The following GPD1L variants were observed in gnomAD, a reference collection of about 807,000 sequenced individuals.
GPD1L encodes glycerol-3-phosphate dehydrogenase 1-like protein.
Under a neutral mutation model 32.9 loss-of-function variants are expected in GPD1L, and 17 were observed. The ratio of observed to expected loss-of-function variants is 0.52; its 90% CI spans 0.35 to 0.78. The LOEUF is 0.78. GPD1L is among the 30% of genes least tolerant of loss of function. GPD1L has a pLI of 0.01. For missense variants in GPD1L, 361 were observed against 447.8 expected (o/e 0.81, Z 1.75); for synonymous variants, 187 against 165.9 (o/e 1.13, Z -0.98).
At chr3:32,144,268 G>A (rs1700789064) in intron 4 of GPD1L, among the ~76,000 whole-genome samples, 1 of 152,114 alleles carries the variant, frequency 6.6e-6, no homozygotes, top group Admixed American at 6.5e-5. Flanking sequence ...GCAGCTTCAG[G>A]CCTCAAAATC....
chr3:32,154,824 T>G (rs11720083), intron 5 of GPD1L, among the ~76,000 whole-genome samples: 37,640 of 151,572 alleles, frequency 0.25, 5,221 homozygotes, highest in East Asian at 0.4. Context: ...CTCGGCTCAC[T>G]GCAACCTCCG....
At chr3:32,145,341 C>T (rs909438052) in intron 4 of GPD1L, among the ~76,000 whole-genome samples, 2 of 151,638 alleles carry the variant, frequency 1.3e-5, no homozygotes, top group Non-Finnish European at 2.9e-5. Flanking sequence ...AAAGTTACTA[C>T]CTATTATCCA....
intron 5 of GPD1L, among the ~76,000 whole-genome samples, chr3:32,152,542 C>T (rs942161949): frequency 2.0e-5 from 3 of 152,072 alleles, no homozygotes; most frequent in Non-Finnish European, 4.4e-5. Flanking sequence ...GACCCTCATG[C>T]AACAGAGGAA....
intron 4 of GPD1L, among the ~76,000 whole-genome samples, chr3:32,141,583 G>A (rs1700744844): frequency 6.6e-6 from 1 of 151,988 alleles, no homozygotes; most frequent in Non-Finnish European, 1.5e-5. Flanking sequence ...ATTTGTTGGA[G>A]AGGAGAAGTA....
Position 32,159,023 on chromosome 3 carries a change from G to A in GPD1L, c.766G>A (p.Glu256Lys), listed in dbSNP as rs764449468. 1.2e-6 allele frequency: 2 copies of A among 1,614,056 alleles called. No homozygotes were observed. The highest frequency in any genetic ancestry group is 2.2e-5 in the South Asian group (2 of 91,092). Residue 256 changes from glutamate (E) to lysine (K), a missense_variant, in exon 6 of 8, where the codon GAG becomes AAG. Transcript: ENST00000282541. ...CCAAGTGTCTACAGCCACCTTCCTA[G>A]AGAGCTGCGGGGTGGCCGACCTGAT... ...KGQVSTATFL[E>K]SCGVADLITT...
intron 1 of GPD1L, among the ~76,000 whole-genome samples, chr3:32,124,035 G>A (rs1282009991): frequency 1.3e-5 from 2 of 151,920 alleles, no homozygotes; most frequent in Non-Finnish European, 2.9e-5. Flanking sequence ...TTTTGGACTG[G>A]CCTTCTGTTG....
At chr3:32,160,961 G>C (rs1033860718) in intron 7 of GPD1L, among the ~76,000 whole-genome samples, 4 of 152,190 alleles carry the variant, frequency 2.6e-5, no homozygotes, top group Non-Finnish European at 5.9e-5. Flanking sequence ...GGGAGGGGAG[G>C]TCTTGTTGCC....
At chr3:32,162,903 C>T (rs1031005995) in intron 7 of GPD1L, among the ~76,000 whole-genome samples, 6 of 152,058 alleles carry the variant, frequency 3.9e-5, no homozygotes, top group Non-Finnish European at 7.3e-5. Context: ...GGATTACAGG[C>T]GTGTGCCCCT....
chr3:32,141,559 T>C (rs1700744457), intron 4 of GPD1L, among the ~76,000 whole-genome samples: 1 of 152,212 alleles, frequency 6.6e-6, no homozygotes, highest in Non-Finnish European at 1.5e-5. Context: ...CAAAACTTTT[T>C]TTTGAAAAAT....
In GPD1L at chr3:32,106,889, T is replaced by C; in HGVS notation, c.47+131T>C. The C allele has an allele frequency of 1.2e-6, 1 of 826,382 alleles. No individual in the cohort carries two copies. Among genetic ancestry groups the C allele is most frequent in the Non-Finnish European group, 1.7e-6 (1 of 596,686 alleles). 51.2% of individuals were successfully genotyped at this position (826,382 alleles called of 1,614,324 possible). On this transcript the variant is annotated intron_variant, in intron 1 of 7. Transcript: ENST00000282541. This position sits in a 1 kb window ranked among gnomAD's most constrained non-coding sequence, Gnocchi z 4.0. ...GCGCAGGGAGGCGGGGTGGGCGACC[T>C]CGTTGCTGGGCTGGGCACCGTGCGC...
At chr3:32,150,403 A>G (rs565560926) in intron 5 of GPD1L, among the ~76,000 whole-genome samples, 1 of 152,092 alleles carries the variant, frequency 6.6e-6, no homozygotes, top group African/African-American at 2.4e-5. Context: ...CAGCCTCCCA[A>G]GTAGCTGGGA....
At chr3:32,140,119 C>G in intron 3 of GPD1L, 109 bp from the exon 4 acceptor site, 2 of 1,118,176 alleles carry the variant, frequency 1.8e-6, no homozygotes, top group Non-Finnish European at 2.7e-6. Context: ...TGCTTTTACT[C>G]TTGTAAGTAG....
rs770998550 is a variant in GPD1L at position 32,106,749 on chromosome 3, C to T, written c.38C>T (p.Ser13Leu). ...AAPLKVCIVG[S>L]GNWGSAVAKI... ...CCCCTGAAAGTGTGCATCGTGGGCTCGGGGAACTGGTGAGCGGCGGCGGGC... is the reference window on the plus strand; with the variant it reads ...CCCCTGAAAGTGTGCATCGTGGGCTTGGGGAACTGGTGAGCGGCGGCGGGC... Residue 13 changes from serine (S) to leucine (L), a missense_variant, in exon 1 of 8, where the codon TCG (serine) becomes TTG (leucine). By Grantham distance (145) the Ser-to-Leu change is moderately radical. Transcript: ENST00000282541. This position sits in a 1 kb window ranked among gnomAD's most constrained non-coding sequence, Gnocchi z 4.0. 1.3e-6 allele frequency: 2 copies of T among 1,557,190 alleles called. No homozygotes were observed. Among genetic ancestry groups the T allele is most frequent in the Non-Finnish European group, 8.7e-7 (1 of 1,152,334 alleles).
chr3:32,115,150 G>C (rs982685655), intron 1 of GPD1L, among the ~76,000 whole-genome samples: 1 of 152,210 alleles, frequency 6.6e-6, no homozygotes, highest in Non-Finnish European at 1.5e-5. Context: ...AGTGCTGATT[G>C]GTCCATTTTA....
At chr3:32,149,229 T>C (rs965402793) in intron 5 of GPD1L, among the ~76,000 whole-genome samples, 5 of 152,100 alleles carry the variant, frequency 3.3e-5, no homozygotes, top group African/African-American at 1.2e-4. Flanking sequence ...CCGACTAATT[T>C]TGTTTATTTT....
At chr3:32,154,218 G>T (rs1344289779) in intron 5 of GPD1L, among the ~76,000 whole-genome samples, 1 of 152,086 alleles carries the variant, frequency 6.6e-6, no homozygotes, top group Admixed American at 6.5e-5. Context: ...CCTGCACTAG[G>T]TCTCCTGATC....
chr3:32,149,201 A>T (rs1700875249), intron 5 of GPD1L, among the ~76,000 whole-genome samples: 1 of 152,164 alleles, frequency 6.6e-6, no homozygotes, highest in Admixed American at 6.5e-5. Flanking sequence ...CTGGGACTAC[A>T]GGCACATGCT....
At chr3:32,112,866 A>G (rs13061458) in intron 1 of GPD1L, among the ~76,000 whole-genome samples, 62,701 of 151,878 alleles carry the variant, frequency 0.41, 14,691 homozygotes, top group East Asian at 0.64. Flanking sequence ...GGGTACTATT[A>G]TTATAACCCT....
rs140178520 is a variant in GPD1L, at chr3:32,151,340, G to A, written c.618+4606G>A. On this transcript the variant is annotated intron_variant, in intron 5 of 7. Transcript: ENST00000282541. ...CCTTAACTTGTTTACCACAATGCCA[G>A]CAGCATGCTGGGTAACATTGTAGAC... The A allele has an allele frequency of 1.3e-3, 896 of 675,590 alleles. 25 individuals carry two copies. In the East Asian group the frequency reaches 0.022, roughly 17 times the overall value. 41.8% of individuals were successfully genotyped at this position (675,590 alleles called of 1,614,324 possible). A position where few individuals can be genotyped will look rare whatever the true frequency, so the allele number is the denominator to read the frequency against.
Sources: allele counts gnomAD v4.1 joint callset (sites outside exome capture counted in the v4.1 genomes callset), GRCh38; gene constraint gnomAD v4.1.1; non-coding constraint Gnocchi (gnomAD v3.1); transcripts MANE v1.5; gene names NCBI Gene and HGNC (gene_info 2026-07-23, HGNC 2026-07-21).